The following SHLD2 variants were observed in gnomAD, a reference collection of about 807,000 sequenced individuals.
The protein encoded by SHLD2 is shieldin complex subunit 2, also known as RINN1-REV7-interacting novel NHEJ regulator 2.
SHLD2 carries 30 observed loss-of-function variants against 73.2 expected under a neutral mutation model. The observed-to-expected ratio is 0.41, with a 90% CI of 0.31 to 0.56. The LOEUF is 0.56. Ranked by LOEUF, SHLD2 falls within the 20% of genes least tolerant of loss-of-function variation. The pLI is 0.28. For synonymous variants in SHLD2, 285 were observed against 370.1 expected (o/e 0.77, Z 2.64); for missense variants, 745 against 1,055.9 (o/e 0.71, Z 4.08).
chr10:87,141,423 C>A (rs1845189267), intron 2 of SHLD2, among the ~76,000 whole-genome samples: 1 of 151,090 alleles, frequency 6.6e-6, no homozygotes, highest in Non-Finnish European at 1.5e-5. Context: ...TCACTGCAAC[C>A]TCCACCTCCT....
chr10:87,180,076 A>G lies in SHLD2; in HGVS notation c.2172A>G (p.Gly724=), dbSNP rs1848206692. The change falls in exon 8 of 10, where the codon GGA becomes GGG. Residue 724 remains glycine, a splice_region_variant and synonymous_variant. Coordinates refer to ENST00000298786, the MANE Select transcript of SHLD2 (RefSeq NM_001330112.2). ...AATATATCTGTTTGTTGTTTGTAGG[A>G]GTGGTTCTGATTAAAGCCCAGATTT... ...LATHLEDKCS[G]VVLIKAQISE... is the part of the protein sequence containing the mutation. 6.2e-7 allele frequency: 1 copy of G among 1,612,810 alleles called. No individual in the cohort carries two copies. The highest frequency in any genetic ancestry group is 8.5e-7 in the Non-Finnish European group (1 of 1,178,978).
intron 6 of SHLD2, among the ~76,000 whole-genome samples, chr10:87,173,180 G>A (rs11202367): frequency 0.67 from 101,122 of 151,268 alleles, 34,575 homozygotes; most frequent in Middle Eastern, 0.89. Flanking sequence ...GGCATGTGCC[G>A]TCATGCCCAG....
chr10:87,094,792 C>T, upstream of SHLD2: 7 of 1,515,682 alleles, frequency 4.6e-6, no homozygotes, highest in South Asian at 2.3e-5. The surrounding 1 kb of genome is among the most constrained non-coding windows in gnomAD (Gnocchi z 6.6). Context: ...AGGGGAGGTG[C>T]GTGATGGTCG....
rs139653105 is a variant in SHLD2, at chr10:87,113,745, G to T, written c.-6+16756G>T. On this transcript the variant is annotated intron_variant, in intron 2 of 9. Coordinates refer to ENST00000298786, the MANE Select transcript of SHLD2 (RefSeq NM_001330112.2). ...GTATAGGCCAAGTGCAGTGGCTGAAGCCTGTAATCCCAGGCTTTGGGAGGC... is the reference window on the plus strand; with the variant it reads ...GTATAGGCCAAGTGCAGTGGCTGAATCCTGTAATCCCAGGCTTTGGGAGGC... Among the ~76,000 whole-genome samples, 1,169 of 149,824 alleles carry T rather than the reference G, an allele frequency of 7.8e-3. 17 individuals carry two copies. The highest frequency in any genetic ancestry group is 0.029 in the African/African-American group (1,124 of 39,196).
At position 87,129,322 on chromosome 10, in the gene SHLD2, C is replaced by G. The variant is rs1231194934; in HGVS notation, c.-5-22028C>G. Among the ~76,000 whole-genome samples the G allele has an allele frequency of 2.6e-5, 4 of 152,144 alleles. No individual in the cohort carries two copies. The East Asian group carries it at 5.8e-4, about 22-fold the overall frequency. On this transcript the variant is annotated intron_variant, in intron 2 of 9. Transcript: ENST00000298786. ...GGCAGGCTGGTCTTGAACTCCTGAC[C>G]TCAAGTGATCCACTCACTTCGGCCT...
chr10:87,177,820 G>A (rs1453088609), intron 7 of SHLD2, among the ~76,000 whole-genome samples: 2 of 152,100 alleles, frequency 1.3e-5, no homozygotes, highest in Admixed American at 6.6e-5. Context: ...GTGCTCAGCC[G>A]GAGTGACCCC....
At chr10:87,136,338 A>G (rs960181793) in intron 2 of SHLD2, among the ~76,000 whole-genome samples, 2 of 151,470 alleles carry the variant, frequency 1.3e-5, no homozygotes, top group African/African-American at 4.9e-5. Flanking sequence ...AGCATGTAGT[A>G]TATGCTTTAG....
At chr10:87,134,231 G>A (rs572284803) in intron 2 of SHLD2, among the ~76,000 whole-genome samples, 1 of 152,276 alleles carries the variant, frequency 6.6e-6, no homozygotes, top group Admixed American at 6.5e-5. Flanking sequence ...ACCTATAAAA[G>A]CAGGATAAGA....
intron 2 of SHLD2, among the ~76,000 whole-genome samples, chr10:87,140,549 G>A (rs1845122817): frequency 6.6e-6 from 1 of 151,410 alleles, no homozygotes; most frequent in East Asian, 1.9e-4. Context: ...ACCAGCTTGG[G>A]CAATTTCCTT....
chr10:87,136,591 T>C (rs1282569851), intron 2 of SHLD2, among the ~76,000 whole-genome samples: 3 of 152,268 alleles, frequency 2.0e-5, no homozygotes, highest in Admixed American at 2.0e-4. Flanking sequence ...TCCATCTGTA[T>C]CTAATTAAGC....
chr10:87,124,019 T>C (rs1178435362), intron 2 of SHLD2, among the ~76,000 whole-genome samples: 1 of 151,970 alleles, frequency 6.6e-6, no homozygotes, highest in African/African-American at 2.4e-5. Context: ...AGAGTGGTTT[T>C]ATAATATGAA....
At chr10:87,185,265 A>G (rs1038507290) in intron 8 of SHLD2, among the ~76,000 whole-genome samples, 13 of 152,180 alleles carry the variant, frequency 8.5e-5, no homozygotes, top group Admixed American at 3.3e-4. Context: ...TTATTGCAAA[A>G]TAATATTGTA....
chr10:87,148,929 A>C (rs1202584951), intron 2 of SHLD2, among the ~76,000 whole-genome samples: 1 of 142,596 alleles, frequency 7.0e-6, no homozygotes, highest in South Asian at 2.2e-4. Flanking sequence ...TCTGTCACCC[A>C]GGCTGGAGTG....
chr10:87,096,794 C>T (rs1841930695), intron 1 of SHLD2, 140 bp from the exon 2 acceptor site: 2 of 152,164 alleles, frequency 1.3e-5, no homozygotes, highest in Non-Finnish European at 2.9e-5. Flanking sequence ...TATAAGGTGA[C>T]AACCTGGATC....
rs1257782561 is a variant in SHLD2 at position 87,148,903 on chromosome 10, T to C, written c.-5-2447T>C. Among the ~76,000 whole-genome samples the C allele has an allele frequency of 3.1e-4, 46 of 149,010 alleles. No homozygotes were observed. In the East Asian group the frequency reaches 6.1e-3, roughly 20 times the overall value. ...CCAACTTTTTTTTTTTTTTTTTTTC[T>C]GAGGCAGAGTCTCACTCTGTCACCC... On this transcript the variant is annotated intron_variant, in intron 2 of 9. Transcript: ENST00000298786.
At chr10:87,127,527 C>CCG (rs1844098287) in intron 2 of SHLD2, among the ~76,000 whole-genome samples, 1 of 57,204 alleles carries the variant, frequency 1.7e-5, no homozygotes, top group Non-Finnish European at 3.2e-5. Flanking sequence ...TCCCTCTTAC[C>CCG]CGCCCCCCCC....
Position 87,170,462 on chromosome 10 carries a change from G to GT in SHLD2, c.1634-8dup, listed in dbSNP as rs766675425. On this transcript the variant is annotated splice_polypyrimidine_tract_variant and intron_variant, in intron 4 of 9. Transcript: ENST00000298786. Reference sequence around the variant, plus strand: ...GTTGCCATCTTTTGTCTGTCTGTATGTTTTTTTTCCCTTAGATTCCAGTGT... The same window carrying GT: ...GTTGCCATCTTTTGTCTGTCTGTATGTTTTTTTTTCCCTTAGATTCCAGTGT... 4.6e-5 allele frequency: 70 copies of GT among 1,521,392 alleles called. No homozygotes were observed. In the Middle Eastern group the frequency reaches 5.3e-4, roughly 11 times the overall value. The allele number at this position is 1,521,392 out of a possible 1,614,324, so 94.2% of individuals were successfully genotyped here. A position where few individuals can be genotyped will look rare whatever the true frequency, so the allele number is the denominator to read the frequency against.
upstream of SHLD2, chr10:87,094,812 C>T (rs1165885530): frequency 3.4e-6 from 5 of 1,463,836 alleles, no homozygotes; most frequent in Admixed American, 3.7e-5. This position sits in a 1 kb window ranked among gnomAD's most constrained non-coding sequence, Gnocchi z 6.6. Context: ...GCGAAACAGG[C>T]GCGCTTTCTC....
rs558308710 is a variant in SHLD2, at chr10:87,184,430, G to A, written c.2400-2655G>A. ...TTCCCCTAGCTGAACCTCAATTACT[G>A]TGAAACCAAAATGGAAAGTCAGTGC... On this transcript the variant is annotated intron_variant, in intron 8 of 9. Coordinates refer to ENST00000298786, the MANE Select transcript of SHLD2 (RefSeq NM_001330112.2). Among the ~76,000 whole-genome samples the A allele has an allele frequency of 2.0e-5, 3 of 151,920 alleles. No individual in the cohort carries two copies. In the East Asian group the frequency reaches 5.8e-4, roughly 29 times the overall value.
Sources: gnomAD v4.1 joint callset for allele counts (sites outside exome capture counted in the v4.1 genomes callset) on GRCh38, gnomAD v4.1.1 for gene constraint, Gnocchi (gnomAD v3.1) non-coding constraint, MANE v1.5 for transcripts, NCBI Gene and HGNC (gene_info 2026-07-23, HGNC 2026-07-21) for gene names.